The following POLR3H variants were observed in gnomAD, a reference collection of about 807,000 sequenced individuals.
POLR3H encodes RNA polymerase III subunit H.
In POLR3H, 17 loss-of-function variants were observed where a neutral mutation model predicts 25.5. The observed-to-expected ratio is 0.67, with a 90% CI of 0.46 to 1.00. The LOEUF is 1.00. POLR3H is among the 50% of genes least tolerant of loss of function. The pLI, the probability that POLR3H is intolerant of heterozygous loss-of-function variation, is 0.00. For synonymous variants in POLR3H, 129 were observed against 103.0 expected, an observed-to-expected ratio of 1.25 and a Z score of -1.53; for missense variants, 274 against 265.0, an observed-to-expected ratio of 1.03 and a Z score of -0.24.
chr22:41,531,129 G>A (rs2066723784), intron 4 of POLR3H, among the ~76,000 whole-genome samples: 1 of 152,198 alleles, frequency 6.6e-6, no homozygotes, highest in Non-Finnish European at 1.5e-5. Context: ...ACCACGGCCA[G>A]ACGCACATGG....
rs2066633230 is a variant in POLR3H at position 41,527,748 on chromosome 22, GA to G, written c.*1534del. ...CACACTTGCTAGGGGCACCCCTAGTGAAAGGGAGCAGACCAGGGCCCCATAG... is the reference window on the plus strand; with the variant it reads ...CACACTTGCTAGGGGCACCCCTAGTGAAGGGAGCAGACCAGGGCCCCATAG... On this transcript the variant is annotated 3_prime_UTR_variant, in exon 6 of 6. Transcript: ENST00000355209. The G allele has an allele frequency of 1.0e-5, 13 of 1,299,790 alleles. No homozygotes were observed. Among genetic ancestry groups the G allele is most frequent in the Non-Finnish European group, 1.4e-5 (13 of 952,436 alleles). 80.5% of individuals were successfully genotyped at this position (1,299,790 alleles called of 1,614,324 possible). A position where few individuals can be genotyped will look rare whatever the true frequency, so the allele number is the denominator to read the frequency against.
intron 1 of POLR3H, 61 bp from the exon 2 acceptor site, chr22:41,540,856 G>C: frequency 1.6e-6 from 2 of 1,290,140 alleles, no homozygotes; most frequent in Admixed American, 3.5e-5. Flanking sequence ...CACAGGCCCA[G>C]CTCCCAGGCA....
At chr22:41,530,619 ACAG>A (rs1417671021) in intron 5 of POLR3H, 65 bp downstream of exon 5, 1 of 1,437,454 alleles carries the variant, frequency 7.0e-7, no homozygotes, top group African/African-American at 1.4e-5. Flanking sequence ...GCCCCAGGAC[ACAG>A]CTTCCAGCCC....
intron 3 of POLR3H, 65 bp downstream of exon 3, chr22:41,532,594 G>A: frequency 6.2e-7 from 1 of 1,612,750 alleles, no homozygotes; most frequent in Non-Finnish European, 8.5e-7. Context: ...CCATGTGGGT[G>A]GACACAGACC....
At chr22:41,536,646 G>A (rs1387349877) in intron 2 of POLR3H, among the ~76,000 whole-genome samples, 3 of 151,486 alleles carry the variant, frequency 2.0e-5, no homozygotes, top group Admixed American at 6.6e-5. Flanking sequence ...CGGGCGGATC[G>A]CCTGAGGTCA....
In POLR3H at chr22:41,527,654, C is replaced by T. The variant is rs2066631008; in HGVS notation, c.*1629G>A. The T allele has an allele frequency of 3.8e-6, 3 of 787,286 alleles. No individual in the cohort carries two copies. The highest frequency in any genetic ancestry group is 3.9e-6 in the Non-Finnish European group (2 of 507,508). 48.8% of individuals were successfully genotyped at this position (787,286 alleles called of 1,614,324 possible). On this transcript the variant is annotated 3_prime_UTR_variant, in exon 6 of 6. Transcript: ENST00000355209. ...AGATCTGAGCCGCTGAGATCTAGGA[C>T]ATGTGCCAGGGGGTTCTTTCTGATC...
rs1345131134 is a variant in POLR3H at position 41,526,397 on chromosome 22, C to T, written c.*2886G>A. The T allele has an allele frequency of 9.9e-6, 16 of 1,613,826 alleles. No homozygotes were observed. Among genetic ancestry groups the T allele is most frequent in the Admixed American group, 1.7e-5 (1 of 60,030 alleles). Reference sequence around the variant, plus strand: ...TGAAAACGGCAAGGCCAACTCCGTGCGCAATGCCGTCACTCAGGAGTTTGG... The same window carrying T: ...TGAAAACGGCAAGGCCAACTCCGTGTGCAATGCCGTCACTCAGGAGTTTGG... On this transcript the variant is annotated 3_prime_UTR_variant, in exon 6 of 6. Coordinates refer to ENST00000355209, the MANE Select transcript of POLR3H (RefSeq NM_001018050.4).
rs1270928830 is a variant in POLR3H at position 41,544,122 on chromosome 22, C to G, written c.-21G>C. 2 of 1,521,972 alleles carry G rather than the reference C, an allele frequency of 1.3e-6. No individual in the cohort carries two copies. The highest frequency in any genetic ancestry group is 2.7e-5 in the African/African-American group (2 of 73,248). 94.3% of individuals were successfully genotyped at this position (1,521,972 alleles called of 1,614,324 possible). ...AACATCCCGGCCTGCGCTGGGGGCTCTGGGAACAGGAGGGTCAGTCACGCA... is the reference window on the plus strand; with the variant it reads ...AACATCCCGGCCTGCGCTGGGGGCTGTGGGAACAGGAGGGTCAGTCACGCA... On this transcript the variant is annotated 5_prime_UTR_variant, in exon 1 of 6. Coordinates refer to ENST00000355209, the MANE Select transcript of POLR3H (RefSeq NM_001018050.4).
intron 3 of POLR3H, 38 bp downstream of exon 3, chr22:41,532,621 T>A: frequency 6.2e-7 from 1 of 1,613,676 alleles, no homozygotes. Flanking sequence ...CCCCACAGTG[T>A]TCCCAAGTCT....
At chr22:41,543,568 C>T (rs1039349674) in intron 1 of POLR3H, among the ~76,000 whole-genome samples, 45 of 152,096 alleles carry the variant, frequency 3.0e-4, no homozygotes, top group African/African-American at 1.1e-3. Flanking sequence ...TTGCAGTGAG[C>T]CGAGATCGCG....
Position 41,527,918 on chromosome 22 carries a change from CAG to C in POLR3H, c.*1363_*1364del, listed in dbSNP as rs1555890974. On this transcript the variant is annotated 3_prime_UTR_variant, in exon 6 of 6. Transcript: ENST00000355209. ...CTTTCCAGAGACCAACCTGAAGAAACAGGGCCTGCTGCCTCTGACCTTCGCTG... is the reference window on the plus strand; with the variant it reads ...CTTTCCAGAGACCAACCTGAAGAAACGGCCTGCTGCCTCTGACCTTCGCTG... 6.2e-7 allele frequency: 1 copy of C among 1,614,186 alleles called. No individual in the cohort carries two copies. The highest frequency in any genetic ancestry group is 8.5e-7 in the Non-Finnish European group (1 of 1,180,026).
At chr22:41,537,516 T>C (rs1471216709) in intron 2 of POLR3H, among the ~76,000 whole-genome samples, 19 of 152,152 alleles carry the variant, frequency 1.2e-4, no homozygotes, top group Non-Finnish European at 1.5e-5. Flanking sequence ...AGCATGGCAA[T>C]TGGTTCCCAC....
intron 5 of POLR3H, among the ~76,000 whole-genome samples, chr22:41,530,287 TTA>T (rs988631123): frequency 9.2e-5 from 14 of 152,072 alleles, no homozygotes; most frequent in African/African-American, 3.1e-4. Flanking sequence ...TAATTGTTTT[TTA>T]TAGAGACAAC....
At position 41,526,110 on chromosome 22, in the gene POLR3H, G is replaced by A. The variant is rs1276286904; in HGVS notation, c.*3173C>T. The A allele has an allele frequency of 1.5e-6, 1 of 646,022 alleles. No individual in the cohort carries two copies. Among genetic ancestry groups the A allele is most frequent in the Non-Finnish European group, 2.6e-6 (1 of 377,526 alleles). 40.0% of individuals were successfully genotyped at this position (646,022 alleles called of 1,614,324 possible). A position where few individuals can be genotyped will look rare whatever the true frequency, so the allele number is the denominator to read the frequency against. On this transcript the variant is annotated 3_prime_UTR_variant, in exon 6 of 6. Transcript: ENST00000355209. ...TGTGGCCTTAGGGTGGAAGCACCAG[G>A]ACCACAGAACACGTGTCTGAAGACT...
intron 2 of POLR3H, among the ~76,000 whole-genome samples, chr22:41,538,132 ATTTTTT>A (rs71184815): frequency 7.7e-6 from 1 of 129,244 alleles, no homozygotes; most frequent in African/African-American, 2.9e-5. Context: ...CACCCAAATA[ATTTTTT>A]TTTTTTTTTT....
intron 5 of POLR3H, 36 bp from the exon 6 acceptor site, chr22:41,529,372 A>C: frequency 1.2e-6 from 2 of 1,608,194 alleles, no homozygotes; most frequent in Non-Finnish European, 1.7e-6. Context: ...TTTCACTGAC[A>C]TGCTGGCTTG....
intron 2 of POLR3H, chr22:41,540,417 G>A (rs755174490): frequency 2.7e-5 from 12 of 442,252 alleles, no homozygotes; most frequent in Admixed American, 2.0e-4. Context: ...ATTCCTGGCC[G>A]ATTCAGGATG....
At position 41,531,979 on chromosome 22, in the gene POLR3H, A is replaced by G; in HGVS notation, c.359+115T>C. 3 of 883,516 alleles carry G rather than the reference A, an allele frequency of 3.4e-6. No individual in the cohort carries two copies. The South Asian group carries it at 4.3e-5, about 13-fold the overall frequency. 54.7% of individuals were successfully genotyped at this position (883,516 alleles called of 1,614,324 possible). On this transcript the variant is annotated intron_variant, in intron 4 of 5. Coordinates refer to ENST00000355209, the MANE Select transcript of POLR3H (RefSeq NM_001018050.4). ...GCAAAAGCACAGGCGAGGGGCAGGC[A>G]CAGAGGCCAGTGACATCAGGTTACA...
rs2066647192 is a variant in POLR3H at position 41,528,329 on chromosome 22, C to G, written c.*954G>C. ...CCCTGTAGGTGCCACCTGGGTCTGA[C>G]CTGGGCCATCAGGCACAGACTGGCC... On this transcript the variant is annotated 3_prime_UTR_variant, in exon 6 of 6. Transcript: ENST00000355209. 1.3e-5 allele frequency: 15 copies of G among 1,182,494 alleles called. No individual in the cohort carries two copies. In the East Asian group the frequency reaches 3.8e-4, roughly 30 times the overall value. The allele number at this position is 1,182,494 out of a possible 1,614,324, so 73.3% of individuals were successfully genotyped here.
Sources: allele counts gnomAD v4.1 joint callset (sites outside exome capture counted in the v4.1 genomes callset), GRCh38; gene constraint gnomAD v4.1.1; transcripts MANE v1.5; gene names NCBI Gene and HGNC (gene_info 2026-07-23, HGNC 2026-07-21).